Variants in UBE2K observed in about 807,000 individuals in gnomAD.
UBE2K encodes the protein ubiquitin conjugating enzyme E2 K.
In UBE2K, 6 loss-of-function variants were observed where a neutral mutation model predicts 30.0. The observed-to-expected ratio is 0.20, with a 90% CI of 0.11 to 0.39. The LOEUF (loss-of-function observed/expected upper bound fraction) is 0.39. Ranked by LOEUF, UBE2K falls within the 10% of genes least tolerant of loss-of-function variation. UBE2K has a pLI of 1.00. For missense variants in UBE2K, 61 were observed against 241.6 expected (o/e 0.25, Z 4.96); for synonymous variants, 86 against 83.7 (o/e 1.03, Z -0.15).
intron 3 of UBE2K, among the ~76,000 whole-genome samples, chr4:39,753,436 T>C (rs577674748): frequency 2.7e-4 from 41 of 152,316 alleles, no homozygotes; most frequent in African/African-American, 9.1e-4. Context: ...TATTTAGCCT[T>C]ATAATAACAT....
intron 1 of UBE2K, among the ~76,000 whole-genome samples, chr4:39,712,753 A>T (rs1264201039): frequency 1.3e-5 from 2 of 151,076 alleles, no homozygotes; most frequent in African/African-American, 4.9e-5. Flanking sequence ...TGTCACTATG[A>T]TGGATGTGAA....
At chr4:39,774,171 G>GT (rs1713129766) in intron 4 of UBE2K, among the ~76,000 whole-genome samples, 3 of 151,834 alleles carry the variant, frequency 2.0e-5, no homozygotes, top group Admixed American at 2.0e-4. Context: ...GGGTGTGGTG[G>GT]TGTGTGCCTG....
chr4:39,723,830 G>T (rs1291252339), intron 1 of UBE2K, among the ~76,000 whole-genome samples: 1 of 152,112 alleles, frequency 6.6e-6, no homozygotes, highest in Non-Finnish European at 1.5e-5. Context: ...TATATTTTTT[G>T]AGACAGAGTT....
intron 1 of UBE2K, among the ~76,000 whole-genome samples, chr4:39,727,485 C>T (rs1278961599): frequency 6.6e-6 from 1 of 152,148 alleles, no homozygotes; most frequent in Non-Finnish European, 1.5e-5. Flanking sequence ...CTTCAGCCTC[C>T]CGCATTGCTG....
rs371140775 is a variant in UBE2K, at chr4:39,705,522, G to T, written c.63+7132G>T. Among the ~76,000 whole-genome samples, 144 of 151,910 alleles carry T rather than the reference G, an allele frequency of 9.5e-4. 2 individuals are homozygous for T. The highest frequency in any genetic ancestry group is 3.1e-3 in the African/African-American group (129 of 41,450). The stretch of plus-strand genomic sequence containing the variant: ...CCAAGACTATATACTCTTATTTCCC[G>T]TGAATACATTATTGACAGTTATTGA... On this transcript the variant is annotated intron_variant, in intron 1 of 6. Coordinates refer to ENST00000261427, the MANE Select transcript of UBE2K (RefSeq NM_005339.5).
At chr4:39,727,702 A>T (rs1719830109) in intron 1 of UBE2K, among the ~76,000 whole-genome samples, 1 of 152,050 alleles carries the variant, frequency 6.6e-6, no homozygotes, top group Non-Finnish European at 1.5e-5. Flanking sequence ...GCCTGGCCTA[A>T]TCTTAGGATT....
intron 1 of UBE2K, among the ~76,000 whole-genome samples, chr4:39,699,322 A>G (rs1031876385): frequency 1.3e-5 from 2 of 151,402 alleles, no homozygotes; most frequent in Non-Finnish European, 2.9e-5. Flanking sequence ...TTACTTTTGA[A>G]AAGCAGACCT....
chr4:39,744,750 C>A (rs1343176243), intron 2 of UBE2K, among the ~76,000 whole-genome samples: 4 of 150,266 alleles, frequency 2.7e-5, no homozygotes, highest in Non-Finnish European at 4.4e-5. Flanking sequence ...ACTAAAAACA[C>A]AAAAAAATTA....
At chr4:39,767,720 C>G (rs1454007559) in intron 4 of UBE2K, among the ~76,000 whole-genome samples, 1 of 152,070 alleles carries the variant, frequency 6.6e-6, no homozygotes, top group Non-Finnish European at 1.5e-5. Flanking sequence ...GATTTAGATG[C>G]TTTTATTTTA....
intron 1 of UBE2K, among the ~76,000 whole-genome samples, chr4:39,736,173 A>G (rs1720367971): frequency 6.6e-6 from 1 of 152,188 alleles, no homozygotes; most frequent in Non-Finnish European, 1.5e-5. Context: ...AAAAAAAATG[A>G]AGATATAGGC....
At chr4:39,720,623 G>A (rs981544540) in intron 1 of UBE2K, among the ~76,000 whole-genome samples, 7 of 152,172 alleles carry the variant, frequency 4.6e-5, no homozygotes, top group African/African-American at 1.7e-4. Context: ...GGGAATAACC[G>A]GTAACTGATA....
chr4:39,737,841 T>C (rs1028962511), intron 2 of UBE2K, among the ~76,000 whole-genome samples: 7 of 152,204 alleles, frequency 4.6e-5, no homozygotes, highest in Admixed American at 3.9e-4. Context: ...CTTCATATGG[T>C]ATCTAAAACA....
intron 1 of UBE2K, among the ~76,000 whole-genome samples, chr4:39,728,022 T>C (rs978811648): frequency 2.6e-5 from 4 of 152,022 alleles, no homozygotes; most frequent in Non-Finnish European, 4.4e-5. Context: ...TAGTCCCAGC[T>C]ACTCAGGAGG....
At chr4:39,703,699 T>A (rs987707344) in intron 1 of UBE2K, among the ~76,000 whole-genome samples, 1 of 151,428 alleles carries the variant, frequency 6.6e-6, no homozygotes, top group African/African-American at 2.4e-5. Context: ...ATACAAAAAT[T>A]AGCCGGGCAT....
intron 4 of UBE2K, among the ~76,000 whole-genome samples, chr4:39,765,397 G>A (rs1712251375): frequency 6.6e-6 from 1 of 152,060 alleles, no homozygotes; most frequent in Admixed American, 6.6e-5. Context: ...GGTGGCGTGA[G>A]TCTGTAGTCC....
intron 3 of UBE2K, among the ~76,000 whole-genome samples, chr4:39,753,177 C>T (rs1281761826): frequency 6.6e-6 from 1 of 152,084 alleles, no homozygotes; most frequent in African/African-American, 2.4e-5. Context: ...TCTCTTAAGC[C>T]CAGGAGTTCA....
intron 3 of UBE2K, among the ~76,000 whole-genome samples, chr4:39,749,072 G>A (rs1185849325): frequency 6.6e-6 from 1 of 152,070 alleles, no homozygotes. Flanking sequence ...CAAGGTAGCT[G>A]GTTATATTCT....
intron 1 of UBE2K, among the ~76,000 whole-genome samples, chr4:39,722,526 A>G (rs1226959326): frequency 1.3e-5 from 2 of 152,180 alleles, no homozygotes; most frequent in Non-Finnish European, 2.9e-5. Flanking sequence ...GCATCCTGGA[A>G]ATAATCTTAT....
At chr4:39,730,595 C>T (rs1392937104) in intron 1 of UBE2K, among the ~76,000 whole-genome samples, 1 of 151,638 alleles carries the variant, frequency 6.6e-6, no homozygotes, top group African/African-American at 2.4e-5. Context: ...TGGTGAAACC[C>T]CATCTCTACC....
Sources: gnomAD v4.1 joint callset for allele counts (sites outside exome capture counted in the v4.1 genomes callset) on GRCh38, gnomAD v4.1.1 for gene constraint, MANE v1.5 for transcripts, NCBI Gene and HGNC (gene_info 2026-07-23, HGNC 2026-07-21) for gene names.